Variants in ITPKB observed in about 807,000 individuals in gnomAD.
The protein encoded by ITPKB is inositol-trisphosphate 3-kinase B.
In ITPKB, 13 loss-of-function variants were observed where a neutral mutation model predicts 69.4. That is an observed-to-expected ratio of 0.19 (90% CI 0.12 to 0.30). The LOEUF is 0.30. ITPKB is among the 10% of genes least tolerant of loss of function. ITPKB has a pLI of 1.00. For synonymous variants in ITPKB, 584 were observed against 513.7 expected (o/e 1.14, Z -1.85); for missense variants, 1,240 against 1,250.5 (o/e 0.99, Z 0.13).
chr1:226,707,633 C>T (rs1165618665), intron 2 of ITPKB: 2 of 1,000,838 alleles, frequency 2.0e-6, no homozygotes, highest in Non-Finnish European at 2.4e-6. Flanking sequence ...GCAGTGTACA[C>T]ATGAGTAACT....
intron 4 of ITPKB, 52 bp downstream of exon 4, chr1:226,647,115 C>T: frequency 6.5e-7 from 1 of 1,546,880 alleles, no homozygotes; most frequent in Non-Finnish European, 8.9e-7. Context: ...TGTGCACCTG[C>T]CATGTGGCTT....
In ITPKB at chr1:226,737,234, C is replaced by T; in HGVS notation, c.225G>A (p.Trp75Ter). ...TATTCAGCCTGCGCCGGCCGCTCCGCCAGCCCCCGGGGCTCCGGGGCTCCT... is the reference window on the plus strand; with the variant it reads ...TATTCAGCCTGCGCCGGCCGCTCCGTCAGCCCCCGGGGCTCCGGGGCTCCT... Reference protein sequence around the residue: ...SPEEPRSPGGWRSGRRRLNSS... With the variant: ...SPEEPRSPGG The change falls in exon 2 of 8, where the codon TGG becomes TGA. Residue 75 changes from tryptophan (W) to a stop codon, truncating the protein, a stop_gained. Transcript: ENST00000429204. LOFTEE classifies it high-confidence loss of function. 6.4e-7 allele frequency: 1 copy of T among 1,561,700 alleles called. No individual in the cohort carries two copies. The highest frequency in any genetic ancestry group is 8.6e-7 in the Non-Finnish European group (1 of 1,161,064).
At chr1:226,711,764 T>G (rs1656966395) in intron 2 of ITPKB, among the ~76,000 whole-genome samples, 1 of 152,086 alleles carries the variant, frequency 6.6e-6, no homozygotes, top group Non-Finnish European at 1.5e-5. Flanking sequence ...CACTAGGGTG[T>G]CTGCTCATAC....
intron 2 of ITPKB, among the ~76,000 whole-genome samples, chr1:226,713,966 T>TA (rs1175559095): frequency 1.3e-5 from 2 of 152,204 alleles, no homozygotes; most frequent in Non-Finnish European, 2.9e-5. Flanking sequence ...AGATAATTGA[T>TA]ATTTTTTAAA....
At chr1:226,644,339 G>T (rs1669023076) in intron 4 of ITPKB, among the ~76,000 whole-genome samples, 1 of 152,218 alleles carries the variant, frequency 6.6e-6, no homozygotes, top group South Asian at 2.1e-4. Flanking sequence ...GGGAAGCAGA[G>T]ACCTGCTCGC....
At chr1:226,663,406 G>A (rs1191692597) in intron 2 of ITPKB, among the ~76,000 whole-genome samples, 2 of 152,128 alleles carry the variant, frequency 1.3e-5, no homozygotes, top group Admixed American at 1.3e-4. Context: ...AAGCCTGCAC[G>A]CCCTACTGCA....
At chr1:226,707,131 C>G in intron 2 of ITPKB, 1 of 834,042 alleles carries the variant, frequency 1.2e-6, no homozygotes. Flanking sequence ...AATAAAGGGA[C>G]CTAGTAGAAT....
At chr1:226,698,403 G>A (rs1055468763) in intron 2 of ITPKB, among the ~76,000 whole-genome samples, 1 of 152,198 alleles carries the variant, frequency 6.6e-6, no homozygotes, top group African/African-American at 2.4e-5. Flanking sequence ...GAGTATGGAG[G>A]CACTGGGCCA....
chr1:226,675,232 T>C (rs1400349078), intron 2 of ITPKB, among the ~76,000 whole-genome samples: 2 of 146,776 alleles, frequency 1.4e-5, no homozygotes, highest in Non-Finnish European at 3.0e-5. Flanking sequence ...GAGGAGGAAG[T>C]GGTTGCTATA....
rs779274972 is a variant in ITPKB, at chr1:226,736,165, C to T, written c.1294G>A (p.Val432Met). Residue 432 changes from valine (V) to methionine (M), a missense_variant, in exon 2 of 8, where the codon GTG (valine) becomes ATG (methionine). Physicochemically the swap from Val to Met is conservative, Grantham distance 21 (BLOSUM62 1). This residue lies in a region of ITPKB where 992 missense variants were observed against 853.8 expected (regional missense o/e 1.16). Coordinates refer to ENST00000429204, the MANE Select transcript of ITPKB (RefSeq NM_002221.4). ...GAGAGCTGCCAACGCCCCCCGCCCA[C>T]GGGGGCCCCACTTCGGGCCTCCTCA... ...GPEEARSGAP[V>M]GGGRWQLSDR... 1.9e-6 allele frequency: 3 copies of T among 1,553,658 alleles called. No individual in the cohort carries two copies. Among genetic ancestry groups the T allele is most frequent in the South Asian group, 1.2e-5 (1 of 81,094 alleles).
chr1:226,730,776 G>A (rs1389864713), intron 2 of ITPKB, among the ~76,000 whole-genome samples: 1 of 152,026 alleles, frequency 6.6e-6, no homozygotes, highest in Non-Finnish European at 1.5e-5. Flanking sequence ...ATACTCCTAG[G>A]AATATAAATA....
At chr1:226,722,160 T>C (rs1021752754) in intron 2 of ITPKB, among the ~76,000 whole-genome samples, 1 of 152,232 alleles carries the variant, frequency 6.6e-6, no homozygotes, top group Non-Finnish European at 1.5e-5. Context: ...AAAGTCAGTG[T>C]TCCCAAACTA....
chr1:226,730,171 G>C (rs1169500210), intron 2 of ITPKB, among the ~76,000 whole-genome samples: 2 of 152,178 alleles, frequency 1.3e-5, no homozygotes, highest in African/African-American at 4.8e-5. Flanking sequence ...AGATCACCAA[G>C]GTAGCCCTCC....
intron 2 of ITPKB, among the ~76,000 whole-genome samples, chr1:226,689,163 C>T (rs1243017152): frequency 6.6e-6 from 1 of 152,246 alleles, no homozygotes; most frequent in Non-Finnish European, 1.5e-5. Context: ...CAAAAGCACT[C>T]TACCCACAGA....
intron 2 of ITPKB, among the ~76,000 whole-genome samples, chr1:226,649,445 G>T (rs1669133629): frequency 1.0e-5 from 1 of 97,732 alleles, no homozygotes; most frequent in Admixed American, 1.0e-4. Flanking sequence ...ATGTGTGCGT[G>T]TGTGTGCATG....
chr1:226,720,802 A>G lies in ITPKB; in HGVS notation c.1932+14725T>C, dbSNP rs928451801. Among the ~76,000 whole-genome samples, 3 of 152,064 alleles carry G rather than the reference A, an allele frequency of 2.0e-5. No individual in the cohort carries two copies. In the East Asian group the frequency reaches 5.8e-4, roughly 29 times the overall value. On this transcript the variant is annotated intron_variant, in intron 2 of 7. Transcript: ENST00000429204. ...CGTGGTGGCTCATGCCTATAATCCC[A>G]GCACTTTGGGAGGCCGAGACGGGCA... is the stretch of plus-strand genomic sequence containing the variant.
chr1:226,633,241 T>TGGTGG lies in ITPKB; in HGVS notation c.*1425_*1429dup, dbSNP rs1167932382. The stretch of plus-strand genomic sequence containing the variant: ...TGACAGTTCCCCAGAGACCCCGGGG[T>TGGTGG]GGTGGGGTGGGCAGTGGTTCCTCCA... On this transcript the variant is annotated 3_prime_UTR_variant, in exon 8 of 8. Coordinates refer to ENST00000429204, the MANE Select transcript of ITPKB (RefSeq NM_002221.4). 2 of 151,956 alleles carry TGGTGG rather than the reference T, an allele frequency of 1.3e-5. No individual in the cohort carries two copies. Among genetic ancestry groups the TGGTGG allele is most frequent in the African/African-American group, 4.8e-5 (2 of 41,302 alleles). 9.4% of individuals were successfully genotyped at this position (151,956 alleles called of 1,614,324 possible).
chr1:226,643,827 G>T (rs1393490704), intron 4 of ITPKB, among the ~76,000 whole-genome samples: 1 of 152,200 alleles, frequency 6.6e-6, no homozygotes, highest in East Asian at 1.9e-4. Flanking sequence ...ATGTGCTCAT[G>T]CACACACATG....
At chr1:226,714,185 A>T (rs1235041154) in intron 2 of ITPKB, among the ~76,000 whole-genome samples, 1 of 152,206 alleles carries the variant, frequency 6.6e-6, no homozygotes, top group Non-Finnish European at 1.5e-5. Flanking sequence ...AGGTGAGGAC[A>T]GCAGACTTAC....
Sources: gnomAD v4.1 joint callset for allele counts (sites outside exome capture counted in the v4.1 genomes callset) on GRCh38, gnomAD v4.1.1 for gene constraint, gnomAD v4.1.1 regional missense constraint, MANE v1.5 for transcripts, NCBI Gene and HGNC (gene_info 2026-07-23, HGNC 2026-07-21) for gene names.